GRIN2A: variants seen among roughly 807,000 people sequenced by gnomAD.
GRIN2A encodes the protein glutamate ionotropic receptor NMDA type subunit 2A.
In GRIN2A, 22 loss-of-function variants were observed where a neutral mutation model predicts 113.4. The ratio of observed to expected loss-of-function variants is 0.19; its 90% CI spans 0.14 to 0.28. GRIN2A has a LOEUF of 0.28. GRIN2A is among the 10% of genes least tolerant of loss of function. The probability of loss-of-function intolerance (pLI) is 1.00; values close to 1 mark genes in which losing one functional copy is unlikely to be tolerated. For synonymous variants in GRIN2A, 827 were observed against 738.4 expected (o/e 1.12, Z -1.94); for missense variants, 1,502 against 1,887.0 (o/e 0.80, Z 3.78).
intron 4 of GRIN2A, among the ~76,000 whole-genome samples, chr16:9,863,989 C>T (rs1197284126): frequency 6.6e-6 from 1 of 152,150 alleles, no homozygotes; most frequent in East Asian, 1.9e-4. Flanking sequence ...GAAGGTTAAA[C>T]ACATAACATT....
intron 2 of GRIN2A, among the ~76,000 whole-genome samples, chr16:9,958,981 G>C (rs1485258282): frequency 6.6e-6 from 1 of 152,080 alleles, no homozygotes; most frequent in Non-Finnish European, 1.5e-5. Flanking sequence ...AGCAGAATTG[G>C]TGCTAATTTA....
intron 2 of GRIN2A, chr16:10,121,207 C>T (rs180880957): frequency 1.3e-5 from 2 of 152,754 alleles, no homozygotes; most frequent in Admixed American, 1.3e-4. Context: ...ACATCAACCA[C>T]AGACAGTTAC....
intron 2 of GRIN2A, among the ~76,000 whole-genome samples, chr16:10,124,549 C>G (rs2048892654): frequency 6.6e-6 from 1 of 152,134 alleles, no homozygotes; most frequent in African/African-American, 2.4e-5. Context: ...TCCATAGCCT[C>G]AGATACAGAC....
At chr16:9,980,366 G>C (rs1208357565) in intron 2 of GRIN2A, among the ~76,000 whole-genome samples, 2 of 152,074 alleles carry the variant, frequency 1.3e-5, no homozygotes, top group African/African-American at 4.8e-5. Flanking sequence ...TGGAGAAATA[G>C]GAACACTTTT....
chr16:9,892,433 A>AGAAGAGAAGGAG (rs1351312769), intron 3 of GRIN2A, among the ~76,000 whole-genome samples: 1 of 152,188 alleles, frequency 6.6e-6, no homozygotes, highest in Non-Finnish European at 1.5e-5. Context: ...TGGCCAAAGA[A>AGAAGAGAAGGAG]GAAGAGAAGG....
intron 2 of GRIN2A, among the ~76,000 whole-genome samples, chr16:10,101,027 T>C (rs1009890941): frequency 6.6e-6 from 1 of 152,226 alleles, no homozygotes; most frequent in Non-Finnish European, 1.5e-5. Context: ...CAGGATTCAC[T>C]TCCGCTTTTG....
intron 2 of GRIN2A, among the ~76,000 whole-genome samples, chr16:10,000,270 G>A (rs1416608444): frequency 6.6e-6 from 1 of 152,152 alleles, no homozygotes; most frequent in South Asian, 2.1e-4. Context: ...CACATTTGGT[G>A]AGTCCTTCTC....
chr16:9,896,774 A>T (rs953106957), intron 3 of GRIN2A, among the ~76,000 whole-genome samples: 1 of 152,094 alleles, frequency 6.6e-6, no homozygotes, highest in Non-Finnish European at 1.5e-5. Flanking sequence ...CAATTCCCCC[A>T]CCCAATTTCT....
intron 2 of GRIN2A, among the ~76,000 whole-genome samples, chr16:10,088,380 G>A (rs186415687): frequency 6.6e-5 from 10 of 152,234 alleles, no homozygotes; most frequent in African/African-American, 2.4e-4. Context: ...GGACATACAG[G>A]GAGGCAGGGA....
chr16:9,923,113 T>C (rs1233320662), intron 3 of GRIN2A, among the ~76,000 whole-genome samples: 3 of 152,156 alleles, frequency 2.0e-5, no homozygotes, highest in Non-Finnish European at 2.9e-5. Context: ...CCCCTTGCAG[T>C]TGCATCAGTT....
intron 2 of GRIN2A, among the ~76,000 whole-genome samples, chr16:10,072,486 G>A (rs541702101): frequency 6.6e-6 from 1 of 152,316 alleles, no homozygotes; most frequent in East Asian, 1.9e-4. Context: ...CCCATGCCCT[G>A]AGTTTCTGTT....
chr16:10,165,571 T>C (rs2049898888), intron 2 of GRIN2A, among the ~76,000 whole-genome samples: 1 of 146,652 alleles, frequency 6.8e-6, no homozygotes, highest in Non-Finnish European at 1.5e-5. Context: ...CACAATGATG[T>C]CTTGGATTTG....
At chr16:10,111,268 C>T (rs2048607116) in intron 2 of GRIN2A, 1 of 340,382 alleles carries the variant, frequency 2.9e-6, no homozygotes, top group Non-Finnish European at 5.7e-6. Flanking sequence ...ATAACCACCA[C>T]TATGGGCATT....
chr16:10,160,231 C>G (rs2049783472), intron 2 of GRIN2A, among the ~76,000 whole-genome samples: 1 of 152,212 alleles, frequency 6.6e-6, no homozygotes, highest in Non-Finnish European at 1.5e-5. Flanking sequence ...TACTAAGTAC[C>G]TACTCTCCCT....
intron 2 of GRIN2A, among the ~76,000 whole-genome samples, chr16:10,113,290 C>T (rs7190642): frequency 0.32 from 49,088 of 152,060 alleles, 8,141 homozygotes; most frequent in East Asian, 0.4. Context: ...TGGCTCTTCC[C>T]GGGCCGCTGC....
chr16:10,075,012 A>G (rs981151366), intron 2 of GRIN2A, among the ~76,000 whole-genome samples: 1 of 152,184 alleles, frequency 6.6e-6, no homozygotes, highest in Non-Finnish European at 1.5e-5. Context: ...CCAATGAAGG[A>G]GTTTCCATTA....
At chr16:10,169,817 CCCTT>C (rs1160404293) in intron 2 of GRIN2A, among the ~76,000 whole-genome samples, 1 of 152,178 alleles carries the variant, frequency 6.6e-6, no homozygotes, top group African/African-American at 2.4e-5. Flanking sequence ...GCTATCACCT[CCCTT>C]GATTTAAACA....
intron 2 of GRIN2A, among the ~76,000 whole-genome samples, chr16:10,022,274 T>G (rs1346146891): frequency 6.6e-6 from 1 of 150,912 alleles, no homozygotes; most frequent in East Asian, 1.9e-4. Context: ...TACACATGCA[T>G]GCACAGAGTC....
chr16:10,035,677 C>T (rs558050114), intron 2 of GRIN2A, among the ~76,000 whole-genome samples: 1 of 146,712 alleles, frequency 6.8e-6, no homozygotes, highest in Admixed American at 6.8e-5. Context: ...GCTGATGCTG[C>T]TGGTCCAGGG....
Sources: allele counts gnomAD v4.1 joint callset (sites outside exome capture counted in the v4.1 genomes callset), GRCh38; gene constraint gnomAD v4.1.1; transcripts MANE v1.5; gene names NCBI Gene and HGNC (gene_info 2026-07-23, HGNC 2026-07-21).